Variants in MACROH2A2 observed in about 807,000 individuals in gnomAD.
MACROH2A2 encodes macroH2A.2 histone.
A neutral mutation model predicts 37.6 loss-of-function variants in MACROH2A2; 6 were observed. That is an observed-to-expected ratio of 0.16 (90% CI 0.09 to 0.32). The LOEUF (loss-of-function observed/expected upper bound fraction) is 0.32, where lower values mean the gene tolerates loss of function less well. Ranked by LOEUF, MACROH2A2 falls within the 10% of genes least tolerant of loss-of-function variation. The probability of loss-of-function intolerance (pLI) is 1.00; values close to 1 mark genes in which losing one functional copy is unlikely to be tolerated. For missense variants in MACROH2A2, 290 were observed against 485.9 expected (o/e 0.60, Z 3.79); for synonymous variants, 192 against 202.7 (o/e 0.95, Z 0.45).
intron 4 of MACROH2A2, 44 bp from the exon 5 acceptor site, chr10:70,093,691 T>C (rs370312833): frequency 2.7e-6 from 3 of 1,098,036 alleles, no homozygotes; most frequent in Non-Finnish European, 4.2e-6. Flanking sequence ...CCTCAGGCTT[T>C]TTCTGGATTG....
intron 7 of MACROH2A2, among the ~76,000 whole-genome samples, chr10:70,100,978 C>T (rs1440823444): frequency 6.6e-6 from 1 of 152,160 alleles, no homozygotes; most frequent in East Asian, 1.9e-4. Flanking sequence ...TGTCGTGCAG[C>T]CATCACCACC....
chr10:70,068,201 AG>A (rs2072089771), intron 1 of MACROH2A2, among the ~76,000 whole-genome samples: 1 of 151,882 alleles, frequency 6.6e-6, no homozygotes, highest in African/African-American at 2.4e-5. Context: ...TCCTTACTTT[AG>A]GGTAACCTTG....
At chr10:70,094,057 G>T (rs1242262099) in intron 5 of MACROH2A2, among the ~76,000 whole-genome samples, 3 of 152,090 alleles carry the variant, frequency 2.0e-5, no homozygotes, top group Admixed American at 6.6e-5. Context: ...CGCTAACATT[G>T]GTCAGACAAG....
At chr10:70,099,935 A>G (rs2072296875) in intron 6 of MACROH2A2, among the ~76,000 whole-genome samples, 1 of 152,154 alleles carries the variant, frequency 6.6e-6, no homozygotes. Flanking sequence ...TTGTTTTTAA[A>G]TCATCTACAA....
chr10:70,077,307 C>A (rs931360145), intron 2 of MACROH2A2, among the ~76,000 whole-genome samples: 1 of 152,246 alleles, frequency 6.6e-6, no homozygotes, highest in African/African-American at 2.4e-5. Flanking sequence ...GTGGCTCACA[C>A]CTGTAATCCC....
At position 70,111,784 on chromosome 10, in the gene MACROH2A2, G is replaced by A; in HGVS notation, c.*101G>A. 1 of 1,063,232 alleles carries A rather than the reference G, an allele frequency of 9.4e-7. No homozygotes were observed. Among genetic ancestry groups the A allele is most frequent in the Non-Finnish European group, 1.3e-6 (1 of 777,194 alleles). 65.9% of individuals were successfully genotyped at this position (1,063,232 alleles called of 1,614,324 possible). A position where few individuals can be genotyped will look rare whatever the true frequency, so the allele number is the denominator to read the frequency against. ...GGAGGGGTGATGGCAGGGGAGTGGA[G>A]GGTGGCCGGGCAGGTCCTGCCGGCG... is the stretch of plus-strand genomic sequence containing the variant. On this transcript the variant is annotated 3_prime_UTR_variant, in exon 9 of 9. Coordinates refer to ENST00000373255, the MANE Select transcript of MACROH2A2 (RefSeq NM_018649.3).
At chr10:70,090,019 C>A (rs760823278) in intron 2 of MACROH2A2, 41 bp from the exon 3 acceptor site, 1 of 1,220,892 alleles carries the variant, frequency 8.2e-7, no homozygotes. Flanking sequence ...AGCTCAGACC[C>A]CATTCTGTGA....
chr10:70,077,896 G>A (rs2072149261), intron 2 of MACROH2A2, among the ~76,000 whole-genome samples: 1 of 152,170 alleles, frequency 6.6e-6, no homozygotes, highest in Non-Finnish European at 1.5e-5. Context: ...CCTGTTAGGT[G>A]TGTGTCACCC....
intron 6 of MACROH2A2, chr10:70,099,471 C>T (rs916834117): frequency 6.6e-6 from 1 of 152,220 alleles, no homozygotes. Context: ...AATGCCTCCT[C>T]TGCTGCCCCA....
chr10:70,064,621 C>G (rs530352157), intron 1 of MACROH2A2, among the ~76,000 whole-genome samples: 40 of 152,242 alleles, frequency 2.6e-4, no homozygotes, highest in African/African-American at 8.7e-4. Context: ...GCTGGACTTT[C>G]CTGTGCTATT....
intron 1 of MACROH2A2, among the ~76,000 whole-genome samples, chr10:70,059,865 C>T (rs1243244758): frequency 6.6e-6 from 1 of 151,902 alleles, no homozygotes; most frequent in East Asian, 1.9e-4. Flanking sequence ...TGGCCAGTGG[C>T]TGGTTACACC....
chr10:70,097,912 C>A lies in MACROH2A2; in HGVS notation c.688+2159C>A, dbSNP rs2072284395. On this transcript the variant is annotated intron_variant, in intron 6 of 8. Transcript: ENST00000373255. ...TCGCTTGAGCCCAGGAGTTTGAGAC[C>A]AGCCTGGACAATATAAGTGGGACCC... 4.6e-5 allele frequency among the ~76,000 whole-genome samples: 7 copies of A among 150,690 alleles called. No homozygotes were observed. In the Admixed American group the frequency reaches 4.7e-4, roughly 10 times the overall value.
intron 4 of MACROH2A2, among the ~76,000 whole-genome samples, chr10:70,092,738 A>G (rs572863598): frequency 1.5e-4 from 23 of 152,110 alleles, no homozygotes; most frequent in Non-Finnish European, 3.1e-4. Flanking sequence ...CCCTTTTACT[A>G]CCCCCAGCAA....
At chr10:70,104,978 C>T (rs1377715730) in intron 7 of MACROH2A2, among the ~76,000 whole-genome samples, 3 of 152,116 alleles carry the variant, frequency 2.0e-5, no homozygotes, top group Non-Finnish European at 2.9e-5. Context: ...GGCAGGGGGT[C>T]GGGGAGGGTG....
chr10:70,077,172 A>G (rs2072144768), intron 2 of MACROH2A2, among the ~76,000 whole-genome samples: 1 of 152,208 alleles, frequency 6.6e-6, no homozygotes, highest in Non-Finnish European at 1.5e-5. Flanking sequence ...TCAAACTCCC[A>G]GGTGATAATG....
At chr10:70,081,175 A>G (rs553906066) in intron 2 of MACROH2A2, among the ~76,000 whole-genome samples, 5 of 152,020 alleles carry the variant, frequency 3.3e-5, no homozygotes, top group African/African-American at 1.2e-4. Flanking sequence ...CGTATCAGCT[A>G]TGAACCCTCA....
chr10:70,079,563 G>GCGCGCGCA (rs1554822094), intron 2 of MACROH2A2, among the ~76,000 whole-genome samples: 1,083 of 63,208 alleles, frequency 0.017, 13 homozygotes, highest in Middle Eastern at 0.029. Flanking sequence ...GCGCGCGCGC[G>GCGCGCGCA]CGCACACACA....
At chr10:70,061,069 A>G (rs1007085859) in intron 1 of MACROH2A2, among the ~76,000 whole-genome samples, 31 of 152,106 alleles carry the variant, frequency 2.0e-4, no homozygotes, top group African/African-American at 7.0e-4. Context: ...AATAAAGTTT[A>G]TCCTTTCTCC....
intron 6 of MACROH2A2, among the ~76,000 whole-genome samples, chr10:70,097,043 A>T (rs903967800): frequency 2.0e-5 from 3 of 152,232 alleles, no homozygotes; most frequent in African/African-American, 7.2e-5. Flanking sequence ...TAAGAAAAAT[A>T]ATATGCTTCT....
Sources: allele counts gnomAD v4.1 joint callset (sites outside exome capture counted in the v4.1 genomes callset), GRCh38; gene constraint gnomAD v4.1.1; transcripts MANE v1.5; gene names NCBI Gene and HGNC (gene_info 2026-07-23, HGNC 2026-07-21).